Variants in MAPK4 observed in about 807,000 individuals in gnomAD.
The protein encoded by MAPK4 is mitogen-activated protein kinase 4.
A neutral mutation model predicts 47.7 loss-of-function variants in MAPK4; 22 were observed. The ratio of observed to expected loss-of-function variants is 0.46; its 90% confidence interval spans 0.33 to 0.66. The LOEUF is 0.66. Ranked by LOEUF, MAPK4 falls within the 30% of genes least tolerant of loss-of-function variation. The pLI is 0.02. For synonymous variants in MAPK4, 390 were observed against 365.7 expected (o/e 1.07, Z -0.76); for missense variants, 736 against 831.7 (o/e 0.88, Z 1.42).
Position 50,729,328 on chromosome 18 carries a change from A to T in MAPK4, c.1238A>T (p.His413Leu), listed in dbSNP as rs1911393513. 5 of 1,596,768 alleles carry T rather than the reference A, an allele frequency of 3.1e-6. No individual in the cohort carries two copies. The highest frequency in any genetic ancestry group is 4.3e-6 in the Non-Finnish European group (5 of 1,171,336). Residue 413 changes from histidine to leucine, a missense_variant, in exon 6 of 6, where the codon CAC (histidine) becomes CTC (leucine). Physicochemically the swap from His to Leu is moderately conservative, Grantham distance 99. This residue lies in a region of MAPK4 where 377 missense variants were observed against 378.6 expected (regional missense o/e 1.00). Coordinates refer to ENST00000400384, the MANE Select transcript of MAPK4 (RefSeq NM_002747.4). ...TCCGAGCGCTTCCTAGAGCAGTCGC[A>T]CTCGTCCATGGAGCGCGCCTTCGAG... Reference protein sequence around the residue: ...SSSERFLEQSHSSMERAFEAD... With the variant: ...SSSERFLEQSLSSMERAFEAD...
At chr18:50,582,132 C>G (rs2042351216) in intron 1 of MAPK4, among the ~76,000 whole-genome samples, 1 of 152,194 alleles carries the variant, frequency 6.6e-6, no homozygotes, top group Non-Finnish European at 1.5e-5. Flanking sequence ...ACAAAATACT[C>G]TAGAAGTTCT....
At chr18:50,701,512 T>C (rs1909785703) in intron 2 of MAPK4, among the ~76,000 whole-genome samples, 1 of 152,160 alleles carries the variant, frequency 6.6e-6, no homozygotes, top group African/African-American at 2.4e-5. Flanking sequence ...TAGTGGGCTA[T>C]GTTTACGTGG....
intron 2 of MAPK4, among the ~76,000 whole-genome samples, chr18:50,700,611 A>G (rs1258803624): frequency 6.6e-6 from 1 of 152,174 alleles, no homozygotes; most frequent in African/African-American, 2.4e-5. Flanking sequence ...AAGCAGGCAG[A>G]CTTTATCTTC....
chr18:50,562,137 T>C (rs1213559156), intron 1 of MAPK4, among the ~76,000 whole-genome samples: 1 of 152,212 alleles, frequency 6.6e-6, no homozygotes, highest in Non-Finnish European at 1.5e-5. Context: ...TTGTAATTTT[T>C]CTTCATGTCA....
chr18:50,610,337 G>A (rs1196342035), intron 1 of MAPK4, among the ~76,000 whole-genome samples: 1 of 152,220 alleles, frequency 6.6e-6, no homozygotes, highest in Admixed American at 6.5e-5. Context: ...GGTCCTTGCA[G>A]GAGGGCCTCC....
chr18:50,639,835 C>T (rs1389519574), intron 1 of MAPK4, among the ~76,000 whole-genome samples: 2 of 152,144 alleles, frequency 1.3e-5, no homozygotes, highest in Non-Finnish European at 2.9e-5. Context: ...TAGAATATTC[C>T]ATTAGGAACC....
At chr18:50,608,792 G>T (rs138562608) in intron 1 of MAPK4, among the ~76,000 whole-genome samples, 2,192 of 152,072 alleles carry the variant, frequency 0.014, 51 homozygotes, top group African/African-American at 0.05. Context: ...CAGGGTCATA[G>T]GACAATAGTG....
rs138471532 is a variant in MAPK4, at chr18:50,712,869, A to G, written c.547-2210A>G. On this transcript the variant is annotated intron_variant, in intron 2 of 5. Coordinates refer to ENST00000400384, the MANE Select transcript of MAPK4 (RefSeq NM_002747.4). Reference sequence around the variant, plus strand: ...ATCTCACCCTCTGACTGAAAATAAAACCAGACTATTTTTTTAGAACCCACC... The same window carrying G: ...ATCTCACCCTCTGACTGAAAATAAAGCCAGACTATTTTTTTAGAACCCACC... Among the ~76,000 whole-genome samples, 780 of 152,288 alleles carry G rather than the reference A, an allele frequency of 5.1e-3. 6 individuals are homozygous for G. Among genetic ancestry groups the G allele is most frequent in the African/African-American group, 0.018 (754 of 41,556 alleles).
chr18:50,565,018 T>C (rs149710648), intron 1 of MAPK4, among the ~76,000 whole-genome samples: 1 of 152,358 alleles, frequency 6.6e-6, no homozygotes, highest in African/African-American at 2.4e-5. Context: ...TTTCATTAGC[T>C]TCTTGGGAAA....
chr18:50,697,247 C>G (rs986579328), intron 2 of MAPK4, among the ~76,000 whole-genome samples: 1 of 152,212 alleles, frequency 6.6e-6, no homozygotes, highest in Non-Finnish European at 1.5e-5. Flanking sequence ...CTCTCACCTT[C>G]TCTTTCCCAA....
intron 2 of MAPK4, among the ~76,000 whole-genome samples, chr18:50,679,488 C>T (rs1270349601): frequency 1.3e-5 from 2 of 152,112 alleles, no homozygotes; most frequent in African/African-American, 4.8e-5. Flanking sequence ...ACTCTGGATC[C>T]TCATACCAAC....
At chr18:50,715,287 G>C (rs1396898886) in intron 3 of MAPK4, 64 bp downstream of exon 3, 7 of 1,520,812 alleles carry the variant, frequency 4.6e-6, no homozygotes, top group South Asian at 1.3e-5. Context: ...GGGGAACTGA[G>C]TGCAAAACAC....
At chr18:50,704,045 C>G (rs1909923556) in intron 2 of MAPK4, among the ~76,000 whole-genome samples, 1 of 152,168 alleles carries the variant, frequency 6.6e-6, no homozygotes, top group South Asian at 2.1e-4. Flanking sequence ...TTCCCCACAC[C>G]TGCCCTTTCC....
At chr18:50,710,186 C>T (rs1910272734) in intron 2 of MAPK4, among the ~76,000 whole-genome samples, 1 of 152,158 alleles carries the variant, frequency 6.6e-6, no homozygotes, top group Admixed American at 6.5e-5. Flanking sequence ...CATTTAAATT[C>T]ACCATACCAT....
At chr18:50,605,337 T>C (rs1047493703) in intron 1 of MAPK4, among the ~76,000 whole-genome samples, 7 of 152,138 alleles carry the variant, frequency 4.6e-5, no homozygotes, top group African/African-American at 1.7e-4. Flanking sequence ...AGCAGAGGGC[T>C]CCCAGGAAGA....
chr18:50,629,328 A>G (rs1358498732), intron 1 of MAPK4: 1 of 152,230 alleles, frequency 6.6e-6, no homozygotes, highest in East Asian at 1.9e-4. Flanking sequence ...TGAGCAAACA[A>G]CAGTGTGATT....
intron 1 of MAPK4, among the ~76,000 whole-genome samples, chr18:50,636,527 A>G (rs1430553235): frequency 6.6e-6 from 1 of 152,202 alleles, no homozygotes; most frequent in Admixed American, 6.5e-5. Flanking sequence ...TCTCTTAGGC[A>G]GGGGCTGCCT....
intron 1 of MAPK4, among the ~76,000 whole-genome samples, chr18:50,566,559 G>A (rs1397686224): frequency 6.6e-6 from 1 of 152,162 alleles, no homozygotes; most frequent in Non-Finnish European, 1.5e-5. Context: ...GCAGGAAAAG[G>A]GTTTGATAAC....
At chr18:50,600,168 G>A (rs1227090042) in intron 1 of MAPK4, among the ~76,000 whole-genome samples, 1 of 152,178 alleles carries the variant, frequency 6.6e-6, no homozygotes, top group African/African-American at 2.4e-5. Context: ...TGAATATTTG[G>A]AGAGAACAGT....
Sources: allele counts gnomAD v4.1 joint callset (sites outside exome capture counted in the v4.1 genomes callset), GRCh38; gene constraint gnomAD v4.1.1; regional missense constraint gnomAD v4.1.1; transcripts MANE v1.5; gene names NCBI Gene and HGNC (gene_info 2026-07-23, HGNC 2026-07-21).